The following ZNF124 variants were observed in gnomAD, a reference collection of about 807,000 sequenced individuals.
ZNF124 encodes zinc finger protein 124.
Under a neutral mutation model 26.6 loss-of-function variants are expected in ZNF124, and 25 were observed. That is an observed-to-expected ratio of 0.94 (90% confidence interval 0.68 to 1.31). The LOEUF (loss-of-function observed/expected upper bound fraction) is 1.31. Among genes scored for constraint, ZNF124 ranks in the 40% most tolerant of loss-of-function variants. The pLI, the probability that ZNF124 is intolerant of heterozygous loss-of-function variation, is 0.00. For missense variants in ZNF124, 444 were observed against 422.2 expected (o/e 1.05, Z -0.45); for synonymous variants, 129 against 133.3 (o/e 0.97, Z 0.22).
At chr1:247,170,736 A>G (rs200750954) in intron 1 of ZNF124, among the ~76,000 whole-genome samples, 2,001 of 140,190 alleles carry the variant, frequency 0.014, 120 homozygotes, top group East Asian at 0.08. Flanking sequence ...CAGGGGGTAC[A>G]TAACTGGGGG....
intron 3 of ZNF124, among the ~76,000 whole-genome samples, chr1:247,148,988 AC>A (rs1239632975): frequency 6.6e-6 from 1 of 152,080 alleles, no homozygotes; most frequent in African/African-American, 2.4e-5. Flanking sequence ...GAAAAAAAAA[AC>A]AAATCCCAGT....
At chr1:247,128,424 T>G (rs1161462573) in intron 3 of ZNF124, among the ~76,000 whole-genome samples, 3 of 148,648 alleles carry the variant, frequency 2.0e-5, no homozygotes, top group African/African-American at 7.5e-5. Context: ...GTGCCCACAC[T>G]GGCCCTGTCT....
At chr1:247,162,292 G>GC (rs1242820266) in intron 1 of ZNF124, among the ~76,000 whole-genome samples, 2 of 152,052 alleles carry the variant, frequency 1.3e-5, no homozygotes, top group Non-Finnish European at 2.9e-5. Context: ...TGGGCTAAAT[G>GC]CCCCAATTAA....
intron 2 of ZNF124, among the ~76,000 whole-genome samples, chr1:247,159,362 T>G (rs549705705): frequency 1.1e-4 from 17 of 152,358 alleles, no homozygotes; most frequent in African/African-American, 4.1e-4. Flanking sequence ...TTTCTTGCTG[T>G]GATCCCTTTG....
chr1:247,158,988 C>T lies in ZNF124; in HGVS notation c.218+18G>A, dbSNP rs1673318948. 2.5e-6 allele frequency: 4 copies of T among 1,610,428 alleles called. No homozygotes were observed. Among genetic ancestry groups the T allele is most frequent in the East Asian group, 2.2e-5 (1 of 44,866 alleles). ...TTGACCCCAAGGGGGACTGCTTCCT[C>T]TTGTGAGGGCAAATTACCTTAGATT... On this transcript the variant is annotated intron_variant, in intron 3 of 3. Transcript: ENST00000543802.
At position 247,142,035 on chromosome 1, in the gene ZNF124, C is replaced by T. The variant is rs184822363; in HGVS notation, c.218+16971G>A. On this transcript the variant is annotated intron_variant, in intron 3 of 3. Transcript: ENST00000472531. ...CCTGCTGAGGGCTGGGAATCTCAGC[C>T]ACCCTGACTTGTGCCAGGGTCCAGC... 5.3e-5 allele frequency among the ~76,000 whole-genome samples: 8 copies of T among 152,316 alleles called. No homozygotes were observed. In the East Asian group the frequency reaches 1.5e-3, roughly 29 times the overall value.
intron 3 of ZNF124, among the ~76,000 whole-genome samples, chr1:247,128,346 T>G (rs1428208973): frequency 2.0e-5 from 3 of 150,060 alleles, no homozygotes; most frequent in South Asian, 2.2e-4. Context: ...TCACGTGGTG[T>G]TGTGTCCTCA....
At chr1:247,132,615 A>C (rs1048336874) in intron 3 of ZNF124, among the ~76,000 whole-genome samples, 3 of 152,238 alleles carry the variant, frequency 2.0e-5, no homozygotes, top group African/African-American at 7.2e-5. Context: ...CAAAAGAAAG[A>C]GTAAAAACTA....
chr1:247,122,103 A>C (rs1672097117), exon 4 of ZNF124: 1 of 152,258 alleles, frequency 6.6e-6, no homozygotes, highest in African/African-American at 2.4e-5. Context: ...TGTTTCATTA[A>C]TATTTAGATA....
chr1:247,161,627 TAAA>T (rs1304202666), intron 1 of ZNF124, among the ~76,000 whole-genome samples: 2 of 150,330 alleles, frequency 1.3e-5, no homozygotes, highest in African/African-American at 4.9e-5. Context: ...GTGTGCACAG[TAAA>T]AATGAATGAA....
intron 1 of ZNF124, among the ~76,000 whole-genome samples, chr1:247,165,493 T>C (rs1282753390): frequency 6.6e-6 from 1 of 152,118 alleles, no homozygotes; most frequent in African/African-American, 2.4e-5. Flanking sequence ...ATTCTGGACA[T>C]AGGACCTGGC....
chr1:247,155,876 A>AG lies in ZNF124; in HGVS notation c.*689dup. The AG allele has an allele frequency of 3.3e-5, 26 of 788,770 alleles. No homozygotes were observed. The highest frequency in any genetic ancestry group is 3.7e-5 in the Non-Finnish European group (24 of 652,788). The allele number at this position is 788,770 out of a possible 1,614,324, so 48.9% of individuals were successfully genotyped here. ...ACTCCATCTCAAAAAAAAAAAAAAA[A>AG]GTCTCACCTCAATTTTTTTTTTTTC... is the stretch of plus-strand genomic sequence containing the variant. On this transcript the variant is annotated 3_prime_UTR_variant, in exon 4 of 4. Transcript: ENST00000543802.
chr1:247,150,349 G>C (rs1672896443), downstream of ZNF124, among the ~76,000 whole-genome samples: 1 of 152,054 alleles, frequency 6.6e-6, no homozygotes, highest in Non-Finnish European at 1.5e-5. Context: ...TGGTGCTGTG[G>C]GGCTGCTGAA....
intron 1 of ZNF124, among the ~76,000 whole-genome samples, chr1:247,162,439 A>C (rs1239175790): frequency 4.6e-5 from 7 of 152,106 alleles, no homozygotes; most frequent in Admixed American, 4.6e-4. Context: ...TGGAAAACAG[A>C]AAAAAGTAAA....
intron 3 of ZNF124, among the ~76,000 whole-genome samples, chr1:247,148,964 C>T (rs931330658): frequency 5.3e-5 from 8 of 150,626 alleles, no homozygotes; most frequent in Non-Finnish European, 7.4e-5. Context: ...AGTGAGACTC[C>T]GTCTCAAAAA....
intron 1 of ZNF124, among the ~76,000 whole-genome samples, chr1:247,161,690 AAAG>A (rs1241542237): frequency 6.6e-6 from 1 of 152,104 alleles, no homozygotes; most frequent in African/African-American, 2.4e-5. Context: ...TAACAAGAAA[AAAG>A]ACCATTTATG....
chr1:247,154,613 A>G (rs1040250629), downstream of ZNF124, among the ~76,000 whole-genome samples: 3 of 151,996 alleles, frequency 2.0e-5, no homozygotes, highest in Non-Finnish European at 2.9e-5. Context: ...AAAAGATGCT[A>G]CAAAACTGAA....
At chr1:247,132,862 T>C (rs1205350365) in intron 3 of ZNF124, among the ~76,000 whole-genome samples, 1 of 152,126 alleles carries the variant, frequency 6.6e-6, no homozygotes, top group Non-Finnish European at 1.5e-5. Flanking sequence ...GCAGACCCCC[T>C]TAGAGTTGTG....
At chr1:247,161,566 C>CA (rs947930163) in intron 1 of ZNF124, among the ~76,000 whole-genome samples, 4 of 149,152 alleles carry the variant, frequency 2.7e-5, no homozygotes, top group Non-Finnish European at 6.0e-5. Context: ...AATTAAAAGA[C>CA]AAAAAACAGT....
Sources: allele counts gnomAD v4.1 joint callset (sites outside exome capture counted in the v4.1 genomes callset), GRCh38; gene constraint gnomAD v4.1.1; transcripts MANE v1.5; gene names NCBI Gene and HGNC (gene_info 2026-07-23, HGNC 2026-07-21).